Variants in TSPAN18 observed in about 807,000 individuals in gnomAD.
The protein encoded by TSPAN18 is tetraspanin 18.
In TSPAN18, 14 loss-of-function variants were observed where a neutral mutation model predicts 27.3. The observed-to-expected ratio is 0.51, with a 90% CI of 0.34 to 0.80. The LOEUF is 0.80. TSPAN18 is among the 30% of genes least tolerant of loss of function. The pLI is 0.01. For missense variants in TSPAN18, 268 were observed against 323.9 expected, an observed-to-expected ratio of 0.83 and a Z score of 1.32; for synonymous variants, 143 against 136.5, an observed-to-expected ratio of 1.05 and a Z score of -0.33.
intron 3 of TSPAN18, among the ~76,000 whole-genome samples, chr11:44,881,260 T>C (rs1412306045): frequency 6.6e-6 from 1 of 152,174 alleles, no homozygotes; most frequent in Non-Finnish European, 1.5e-5. Flanking sequence ...GTTGTTTTCC[T>C]GGAACTAGGT....
chr11:44,845,310 T>A (rs1857458023), intron 2 of TSPAN18, among the ~76,000 whole-genome samples: 1 of 152,216 alleles, frequency 6.6e-6, no homozygotes, highest in African/African-American at 2.4e-5. Context: ...GTAAGATGGA[T>A]TTAATGAGAC....
At chr11:44,746,343 T>TG (rs1855076792) in intron 1 of TSPAN18, among the ~76,000 whole-genome samples, 2 of 152,184 alleles carry the variant, frequency 1.3e-5, no homozygotes, top group Admixed American at 1.3e-4. Context: ...CTGGTCATGC[T>TG]GGGGTTCAAT....
rs564678425 is a variant in TSPAN18 at position 44,864,994 on chromosome 11, G to A, written c.-11+4525G>A. On this transcript the variant is annotated intron_variant, in intron 3 of 9. Transcript: ENST00000520358. Reference sequence around the variant, plus strand: ...GATGGATGGGTGGAAGGATCACAGTGGATTTACTGGAATCGGTGTTGTCCC... The same window carrying A: ...GATGGATGGGTGGAAGGATCACAGTAGATTTACTGGAATCGGTGTTGTCCC... 3.9e-4 allele frequency among the ~76,000 whole-genome samples: 59 copies of A among 152,312 alleles called. 1 individual carries two copies. Among genetic ancestry groups the A allele is most frequent in the African/African-American group, 1.4e-3 (58 of 41,572 alleles).
At chr11:44,894,999 C>A (rs951273340) in intron 3 of TSPAN18, among the ~76,000 whole-genome samples, 5 of 152,188 alleles carry the variant, frequency 3.3e-5, no homozygotes, top group African/African-American at 1.2e-4. Context: ...CCTGCCCACG[C>A]TTCAGTTTCC....
intron 3 of TSPAN18, among the ~76,000 whole-genome samples, chr11:44,864,764 C>G (rs1857989765): frequency 6.6e-6 from 1 of 152,148 alleles, no homozygotes; most frequent in Non-Finnish European, 1.5e-5. Context: ...TCATTTTTCA[C>G]CCCCCTTTGA....
At chr11:44,898,950 C>G (rs753835077) in intron 3 of TSPAN18, among the ~76,000 whole-genome samples, 2 of 152,210 alleles carry the variant, frequency 1.3e-5, no homozygotes, top group African/African-American at 4.8e-5. Flanking sequence ...ATCTGAGGGT[C>G]ATGTTGTATT....
intron 2 of TSPAN18, among the ~76,000 whole-genome samples, chr11:44,794,036 G>A (rs1169577115): frequency 1.3e-5 from 2 of 152,228 alleles, no homozygotes; most frequent in Non-Finnish European, 2.9e-5. Flanking sequence ...CAAGAGCCAC[G>A]TCCATTAATC....
At chr11:44,728,655 T>C (rs1189005410) in intron 1 of TSPAN18, among the ~76,000 whole-genome samples, 2 of 152,168 alleles carry the variant, frequency 1.3e-5, no homozygotes, top group Non-Finnish European at 2.9e-5. Flanking sequence ...GCCACATTCT[T>C]CTGGTCATTT....
rs190846393 is a variant in TSPAN18, at chr11:44,902,495, G to A, written c.-10-3912G>A. Among the ~76,000 whole-genome samples, 353 of 152,328 alleles carry A rather than the reference G, an allele frequency of 2.3e-3. 2 individuals are homozygous for A. Among genetic ancestry groups the A allele is most frequent in the African/African-American group, 8.1e-3 (337 of 41,568 alleles). The stretch of plus-strand genomic sequence containing the variant: ...AGGAAGAGAGCCTGGGCTTGGTGAC[G>A]AAGGAAGAGCCAAAGGCCCCACAGT... On this transcript the variant is annotated intron_variant, in intron 3 of 9. Transcript: ENST00000520358.
chr11:44,923,599 G>A (rs984583344), intron 8 of TSPAN18, among the ~76,000 whole-genome samples: 2 of 152,184 alleles, frequency 1.3e-5, no homozygotes, highest in Non-Finnish European at 2.9e-5. Flanking sequence ...AGGAAAGACC[G>A]GGAATTTGGA....
At chr11:44,846,557 A>G (rs752055424) in intron 2 of TSPAN18, among the ~76,000 whole-genome samples, 1 of 151,752 alleles carries the variant, frequency 6.6e-6, no homozygotes, top group African/African-American at 2.4e-5. Flanking sequence ...TAACAGAAAC[A>G]GTCTGCTCTG....
intron 3 of TSPAN18, among the ~76,000 whole-genome samples, chr11:44,863,416 C>T (rs1176646782): frequency 6.6e-6 from 1 of 152,224 alleles, no homozygotes; most frequent in South Asian, 2.1e-4. Context: ...AGCTTGGGTA[C>T]GGAGTTTAGT....
At chr11:44,757,257 G>GTTATTTT (rs1312037426) in intron 1 of TSPAN18, among the ~76,000 whole-genome samples, 3 of 151,714 alleles carry the variant, frequency 2.0e-5, no homozygotes, top group South Asian at 2.1e-4. Context: ...GCCAACACTT[G>GTTATTTT]TTATTTTTTA....
intron 3 of TSPAN18, chr11:44,903,759 C>T (rs1269641517): frequency 2.2e-6 from 1 of 456,090 alleles, no homozygotes; most frequent in Admixed American, 2.4e-5. Flanking sequence ...AAATCCGCCC[C>T]CCACCCCATC....
intron 4 of TSPAN18, among the ~76,000 whole-genome samples, chr11:44,908,769 G>GAGAGGAAAGAA (rs1859563913): frequency 1.4e-5 from 1 of 71,620 alleles, no homozygotes. Flanking sequence ...AGAGAGAAAG[G>GAGAGGAAAGAA]AGAAAGAAAG....
At chr11:44,778,272 G>C (rs1020640931) in intron 2 of TSPAN18, among the ~76,000 whole-genome samples, 4 of 152,138 alleles carry the variant, frequency 2.6e-5, no homozygotes, top group Non-Finnish European at 4.4e-5. Flanking sequence ...TTGGCAAATA[G>C]TAGCCTCTTA....
intron 3 of TSPAN18, among the ~76,000 whole-genome samples, chr11:44,871,251 G>A (rs1418732317): frequency 6.6e-6 from 1 of 152,156 alleles, no homozygotes; most frequent in Non-Finnish European, 1.5e-5. Context: ...GGAAGTCTAA[G>A]ATCAGAGTGC....
chr11:44,775,270 T>G (rs1010622869), intron 2 of TSPAN18, among the ~76,000 whole-genome samples: 1 of 152,246 alleles, frequency 6.6e-6, no homozygotes, highest in African/African-American at 2.4e-5. Flanking sequence ...ATTTGTTGTT[T>G]ATCTGAAATT....
chr11:44,779,083 C>A (rs12577173), intron 2 of TSPAN18, among the ~76,000 whole-genome samples: 16,142 of 152,106 alleles, frequency 0.11, 1,534 homozygotes, highest in East Asian at 0.5. Flanking sequence ...AGCCCCAGGC[C>A]ACATGTATCT....
Sources: gnomAD v4.1 joint callset for allele counts (sites outside exome capture counted in the v4.1 genomes callset) on GRCh38, gnomAD v4.1.1 for gene constraint, MANE v1.5 for transcripts, NCBI Gene and HGNC (gene_info 2026-07-23, HGNC 2026-07-21) for gene names.